Variants in PDK3 observed in about 807,000 individuals in gnomAD.
PDK3 encodes pyruvate dehydrogenase kinase, isozyme 3.
In PDK3, 12 loss-of-function variants were observed where a neutral mutation model predicts 32.0. That is an observed-to-expected ratio of 0.37 (90% CI 0.24 to 0.61). The LOEUF is 0.61. Ranked by LOEUF, PDK3 falls within the 20% of genes least tolerant of loss-of-function variation. PDK3 has a pLI of 0.65. For missense variants in PDK3, 188 were observed against 316.9 expected, an observed-to-expected ratio of 0.59 and a Z score of 3.09; for synonymous variants, 122 against 116.3, an observed-to-expected ratio of 1.05 and a Z score of -0.31.
chrX:24,534,826 G>A (rs1174979900), downstream of PDK3, among the ~76,000 whole-genome samples: 2 of 112,062 alleles, frequency 1.8e-5, no homozygotes, highest in Admixed American at 1.9e-4. Flanking sequence ...GTGTGGTGGT[G>A]TGGGTCTGTA....
chrX:24,486,061 A>C (rs770454519), intron 1 of PDK3, among the ~76,000 whole-genome samples: 2 of 112,081 alleles, frequency 1.8e-5, no homozygotes, highest in African/African-American at 3.2e-5. Context: ...CCATGAGGAT[A>C]CTTTTCTACA....
intron 1 of PDK3, among the ~76,000 whole-genome samples, chrX:24,480,172 C>A (rs764685368): frequency 1.3e-4 from 15 of 111,599 alleles, no homozygotes; most frequent in Non-Finnish European, 2.8e-4. Flanking sequence ...TAGTTTTTAT[C>A]TTCCCCATTT....
intron 1 of PDK3, among the ~76,000 whole-genome samples, chrX:24,476,177 GTT>G (rs1003407379): frequency 9.6e-6 from 1 of 103,668 alleles, no homozygotes; most frequent in East Asian, 3.0e-4. Flanking sequence ...CTGGCCACCT[GTT>G]TTTTTTTTTC....
chrX:24,498,672 G>A (rs751883386), intron 2 of PDK3, among the ~76,000 whole-genome samples, 157 bp from the exon 3 acceptor site: 12 of 111,518 alleles, frequency 1.1e-4, no homozygotes, highest in Non-Finnish European at 2.3e-4. Flanking sequence ...GGAGGCACTG[G>A]CTTCCCTGAT....
chrX:24,531,863 A>G, intron 10 of PDK3, 93 bp downstream of exon 10: 1 of 442,614 alleles, frequency 2.3e-6, no homozygotes, highest in Non-Finnish European at 4.0e-6. Flanking sequence ...ATCATCTCTT[A>G]GATTCATCTC....
intron 1 of PDK3, among the ~76,000 whole-genome samples, chrX:24,487,184 C>A (rs1393880110): frequency 1.8e-5 from 2 of 112,615 alleles, no homozygotes; most frequent in Non-Finnish European, 3.7e-5. Flanking sequence ...ATTCACATGT[C>A]AGATTGTTTC....
chrX:24,537,148 C>A (rs1257967422), downstream of PDK3, among the ~76,000 whole-genome samples: 69 of 94,051 alleles, frequency 7.3e-4, no homozygotes, highest in Non-Finnish European at 1.2e-3. Flanking sequence ...GACAGAGTCT[C>A]ACTCTGTCAC....
At chrX:24,539,307 G>A, downstream of PDK3, 1 of 432,226 alleles carries the variant, frequency 2.3e-6, no homozygotes, top group Non-Finnish European at 4.0e-6. Flanking sequence ...TCTACCACCT[G>A]GACTTTCCCA....
chrX:24,501,081 C>T (rs769360739), intron 3 of PDK3, among the ~76,000 whole-genome samples: 4 of 111,242 alleles, frequency 3.6e-5, no homozygotes, highest in East Asian at 2.8e-4. Context: ...AGAAATATTT[C>T]GTCAAATATT....
chrX:24,527,407 G>T (rs1331463001), intron 7 of PDK3, among the ~76,000 whole-genome samples, 167 bp from the exon 8 acceptor site: 2 of 111,025 alleles, frequency 1.8e-5, no homozygotes, highest in Non-Finnish European at 3.8e-5. Context: ...TCCTTGATTT[G>T]AGCACGTTTA....
At chrX:24,518,483 A>C (rs1186269743) in intron 5 of PDK3, among the ~76,000 whole-genome samples, 1 of 111,628 alleles carries the variant, frequency 9.0e-6, no homozygotes, top group African/African-American at 3.3e-5. Flanking sequence ...ACTCTGTCTC[A>C]AAAAACAAAC....
At chrX:24,479,999 G>A (rs1245934450) in intron 1 of PDK3, among the ~76,000 whole-genome samples, 1 of 111,122 alleles carries the variant, frequency 9.0e-6, no homozygotes. Flanking sequence ...ATGTCTGCCC[G>A]CCTGATCGTC....
At chrX:24,481,049 C>CTTT (rs758641178) in intron 1 of PDK3, among the ~76,000 whole-genome samples, 156 of 97,467 alleles carry the variant, frequency 1.6e-3, no homozygotes, top group African/African-American at 4.0e-3. Context: ...TTTTCTTTTT[C>CTTT]TTTTTTTTTT....
chrX:24,547,451 C>T (rs1304073908), exon 12 of PDK3: 6 of 111,607 alleles, frequency 5.4e-5, no homozygotes, highest in Non-Finnish European at 3.8e-5. Flanking sequence ...TTTTATTAAG[C>T]ACTTTAGTTA....
At chrX:24,549,506 A>G (rs1923059077) in exon 12 of PDK3, 1 of 111,933 alleles carries the variant, frequency 8.9e-6, no homozygotes, top group Non-Finnish European at 1.9e-5. Flanking sequence ...ATTGAATTCT[A>G]TTGCCTCCCT....
rs906770100 is a variant in PDK3, at chrX:24,534,318, T to C, written c.*246T>C. The C allele has an allele frequency of 9.3e-6, 7 of 755,975 alleles. No individual in the cohort carries two copies. Among genetic ancestry groups the C allele is most frequent in the African/African-American group, 2.1e-5 (1 of 46,591 alleles). 62.3% of individuals were successfully genotyped at this position (755,975 alleles called of 1,213,427 possible). On this transcript the variant is annotated 3_prime_UTR_variant, in exon 11 of 11. Transcript: ENST00000379162. ...AAGGTGATCTATCCATCCAATGGAATATTATTTGGCCTTAAAAAGGAAGGA... is the reference window on the plus strand; with the variant it reads ...AAGGTGATCTATCCATCCAATGGAACATTATTTGGCCTTAAAAAGGAAGGA...
intron 6 of PDK3, among the ~76,000 whole-genome samples, chrX:24,525,154 C>G (rs1160868240): frequency 9.0e-6 from 1 of 111,443 alleles, no homozygotes; most frequent in Non-Finnish European, 1.9e-5. Context: ...GAGACTCTGT[C>G]TCAAAAAATA....
intron 5 of PDK3, among the ~76,000 whole-genome samples, chrX:24,517,685 A>T (rs1327017357): frequency 1.8e-5 from 2 of 112,719 alleles, no homozygotes; most frequent in African/African-American, 3.2e-5. Context: ...TGCTTTCTGA[A>T]TCTGCTCCCC....
At chrX:24,494,389 T>C (rs767248330) in intron 1 of PDK3, among the ~76,000 whole-genome samples, 2 of 112,134 alleles carry the variant, frequency 1.8e-5, no homozygotes, top group Non-Finnish European at 3.8e-5. Context: ...GGGAGTGGAT[T>C]TACACGTTCT....
Sources: gnomAD v4.1 joint callset for allele counts (sites outside exome capture counted in the v4.1 genomes callset) on GRCh38, gnomAD v4.1.1 for gene constraint, MANE v1.5 for transcripts, NCBI Gene and HGNC (gene_info 2026-07-23, HGNC 2026-07-21) for gene names.